Variants in COPRS observed in about 807,000 individuals in gnomAD.
The protein encoded by COPRS is coordinator of PRMT5 and differentiation stimulator.
A neutral mutation model predicts 19.9 loss-of-function variants in COPRS; 11 were observed. The ratio of observed to expected loss-of-function variants is 0.55; its 90% CI spans 0.35 to 0.92. COPRS has a LOEUF of 0.92. Ranked by LOEUF, COPRS falls within the 40% of genes least tolerant of loss-of-function variation. The pLI is 0.01. For synonymous variants in COPRS, 81 were observed against 82.7 expected (o/e 0.98, Z 0.11); for missense variants, 225 against 229.9 (o/e 0.98, Z 0.14).
intron 2 of COPRS, among the ~76,000 whole-genome samples, chr17:31,853,834 G>A (rs9909478): frequency 0.035 from 5,381 of 152,156 alleles, 330 homozygotes; most frequent in African/African-American, 0.12. Context: ...CAGGGAGGCC[G>A]GAAGGTACAT....
At chr17:31,855,085 A>G (rs183885201) in intron 2 of COPRS, among the ~76,000 whole-genome samples, 292 of 151,696 alleles carry the variant, frequency 1.9e-3, no homozygotes, top group African/African-American at 6.4e-3. Context: ...GAGTTAAAAG[A>G]AAAAAAAAGG....
intron 1 of COPRS, among the ~76,000 whole-genome samples, chr17:31,857,423 T>C (rs1478732659): frequency 6.6e-6 from 1 of 152,234 alleles, no homozygotes; most frequent in African/African-American, 2.4e-5. Context: ...ACTTTATAGC[T>C]AGTAAACAAC....
chr17:31,856,912 T>C, intron 1 of COPRS, 47 bp from the exon 2 acceptor site: 1 of 1,190,818 alleles, frequency 8.4e-7, no homozygotes, highest in South Asian at 1.2e-5. Flanking sequence ...ATCTGGGGTA[T>C]GCCCAGTATT....
intron 2 of COPRS, among the ~76,000 whole-genome samples, chr17:31,853,244 CATTA>C (rs1236243635): frequency 1.3e-5 from 2 of 152,146 alleles, no homozygotes; most frequent in South Asian, 2.1e-4. Flanking sequence ...TTATACAAGG[CATTA>C]ATTGTCAGGT....
chr17:31,858,871 C>T (rs1239625247), intron 1 of COPRS: 2 of 1,541,792 alleles, frequency 1.3e-6, no homozygotes, highest in East Asian at 2.5e-5. Flanking sequence ...CTCTGCTGAC[C>T]CAGAGCGCCC....
chr17:31,852,998 G>A lies in COPRS; in HGVS notation c.199C>T (p.Pro67Ser), dbSNP rs1315524523. The A allele has an allele frequency of 1.2e-6, 2 of 1,614,034 alleles. No individual in the cohort carries two copies. Among genetic ancestry groups the A allele is most frequent in the South Asian group, 1.1e-5 (1 of 91,080 alleles). The change falls in exon 3 of 4, where the codon CCT becomes TCT. Residue 67 changes from proline (P) to serine (S), a missense_variant. Pro to Ser is a moderately conservative substitution (Grantham distance 74). Around this residue, in one of 3 missense-constraint regions of COPRS, gnomAD observed 170 missense variants for 171.4 expected, o/e 0.99. Coordinates refer to ENST00000302362, the MANE Select transcript of COPRS (RefSeq NM_018405.4). Reference protein sequence around the residue: ...RGTQSIPNDSPARGEGTHSEE... With the variant: ...RGTQSIPNDSSARGEGTHSEE... ...GAATGGGTGCCCTCACCCCGGGCAG[G>A]ACTGTCATTAGGAATGCTCTGTGTT...
chr17:31,858,934 C>A (rs1488401696), intron 1 of COPRS, 167 bp downstream of exon 1: 7 of 1,448,144 alleles, frequency 4.8e-6, no homozygotes, highest in Non-Finnish European at 5.4e-6. Context: ...CGCGGCCTGG[C>A]CGTTTTCAGC....
At position 31,852,464 on chromosome 17, in the gene COPRS, C is replaced by T. The variant is rs181213427; in HGVS notation, c.386-156G>A. Among the ~76,000 whole-genome samples the T allele has an allele frequency of 3.3e-5, 5 of 152,248 alleles. No homozygotes were observed. In the East Asian group the frequency reaches 9.7e-4, roughly 29 times the overall value. ...CTCCTTTCCTGAAGAATTGTAAATG[C>T]GTTCATTCGGAACAGCTGAGAAGCT... On this transcript the variant is annotated intron_variant, in intron 3 of 3. Coordinates refer to ENST00000302362, the MANE Select transcript of COPRS (RefSeq NM_018405.4).
intron 1 of COPRS, among the ~76,000 whole-genome samples, chr17:31,857,252 C>T (rs1375545055): frequency 1.3e-5 from 2 of 152,134 alleles, no homozygotes; most frequent in Non-Finnish European, 2.9e-5. Context: ...TGGGGCAGTG[C>T]CTTCTCCTTA....
Position 31,852,182 on chromosome 17 carries a change from T to C in COPRS, c.512A>G (p.Lys171Arg), listed in dbSNP as rs964682920. ...AAACTGTCCTGTTTCAAAGACCATC[T>C]TGGAATAATAGGGTATCAGTGGAGG... Reference protein sequence around the residue: ...HPPPLIPYYSKMVFETGQFDD... With the variant: ...HPPPLIPYYSRMVFETGQFDD... The change falls in exon 4 of 4, where the codon AAG (lysine) becomes AGG (arginine). Residue 171 changes from lysine (K) to arginine (R), a missense_variant. Around this residue, in one of 3 missense-constraint regions of COPRS, gnomAD observed 170 missense variants for 171.4 expected, o/e 0.99. Transcript: ENST00000302362. 1.2e-6 allele frequency: 2 copies of C among 1,614,142 alleles called. No homozygotes were observed. Among genetic ancestry groups the C allele is most frequent in the Non-Finnish European group, 8.5e-7 (1 of 1,180,026 alleles).
intron 1 of COPRS, 112 bp from the exon 2 acceptor site, chr17:31,856,977 G>A (rs1172591686): frequency 5.5e-6 from 4 of 725,302 alleles, no homozygotes; most frequent in Non-Finnish European, 9.7e-6. Flanking sequence ...GGTGATGCAG[G>A]GCTGGGACTC....
intron 1 of COPRS, 31 bp from the exon 2 acceptor site, chr17:31,856,896 T>A: frequency 7.1e-7 from 1 of 1,418,302 alleles, no homozygotes; most frequent in Non-Finnish European, 1.0e-6. Flanking sequence ...TACCAAGGAC[T>A]TGGGTATCTG....
At chr17:31,852,790 C>A in intron 3 of COPRS, 22 bp downstream of exon 3, 2 of 1,568,672 alleles carry the variant, frequency 1.3e-6, no homozygotes, top group Non-Finnish European at 8.8e-7. Flanking sequence ...TAGTTCAGGA[C>A]CCCCAGAGAC....
chr17:31,856,335 A>G (rs1259906531), intron 2 of COPRS, among the ~76,000 whole-genome samples: 1 of 151,340 alleles, frequency 6.6e-6, no homozygotes, highest in East Asian at 1.9e-4. Flanking sequence ...CTCCGTTTCA[A>G]AAAAAAAAGA....
In COPRS at chr17:31,859,153, G is replaced by C. The variant is rs2142279181; in HGVS notation, c.47C>G (p.Pro16Arg). The C allele has an allele frequency of 3.7e-6, 4 of 1,073,668 alleles. No homozygotes were observed. Among genetic ancestry groups the C allele is most frequent in the Non-Finnish European group, 4.5e-6 (4 of 888,962 alleles). The allele number at this position is 1,073,668 out of a possible 1,614,324, so 66.5% of individuals were successfully genotyped here. Residue 16 changes from proline to arginine, a missense_variant, in exon 1 of 4, where the codon CCG (proline) becomes CGG (arginine). Around this residue, in one of 3 missense-constraint regions of COPRS, gnomAD observed 51 missense variants for 39.2 expected, o/e 1.30. Coordinates refer to ENST00000302362, the MANE Select transcript of COPRS (RefSeq NM_018405.4). ...GCTAGGCAGCGGCGGGCCCCGAGAC[G>C]GCTCCGCGGCCCCCTGCGCCTGGGC... ...AGAQAQGAAE[P>R]SRGPPLPSAR...
At chr17:31,854,967 T>C (rs1909288386) in intron 2 of COPRS, among the ~76,000 whole-genome samples, 1 of 152,246 alleles carries the variant, frequency 6.6e-6, no homozygotes, top group African/African-American at 2.4e-5. Context: ...AATGGTTACA[T>C]GGTAAATTTA....
chr17:31,857,945 T>C (rs773673589), intron 1 of COPRS, among the ~76,000 whole-genome samples: 2 of 152,174 alleles, frequency 1.3e-5, no homozygotes, highest in African/African-American at 2.4e-5. Flanking sequence ...TCAGTTCCAC[T>C]CCCTGTAGTT....
intron 1 of COPRS, among the ~76,000 whole-genome samples, chr17:31,857,645 T>C (rs1909403307): frequency 6.6e-6 from 1 of 152,206 alleles, no homozygotes; most frequent in African/African-American, 2.4e-5. Context: ...AAATGTTCCC[T>C]GCCTGCATAA....
At chr17:31,858,053 G>C (rs1015973807) in intron 1 of COPRS, among the ~76,000 whole-genome samples, 1 of 152,044 alleles carries the variant, frequency 6.6e-6, no homozygotes, top group African/African-American at 2.4e-5. Context: ...CAGCCATCTG[G>C]CCCAGCCTTA....
Sources: allele counts gnomAD v4.1 joint callset (sites outside exome capture counted in the v4.1 genomes callset), GRCh38; gene constraint gnomAD v4.1.1; regional missense constraint gnomAD v4.1.1; transcripts MANE v1.5; gene names NCBI Gene and HGNC (gene_info 2026-07-23, HGNC 2026-07-21).